The following ZNF430 variants were observed in gnomAD, a reference collection of about 807,000 sequenced individuals.
ZNF430 encodes zinc finger protein 430.
ZNF430 carries 35 observed loss-of-function variants against 56.7 expected under a neutral mutation model. The observed-to-expected ratio is 0.62, with a 90% CI of 0.47 to 0.82. The LOEUF is 0.82. Ranked by LOEUF, ZNF430 falls within the 40% of genes least tolerant of loss-of-function variation. The pLI, the probability that ZNF430 is intolerant of heterozygous loss-of-function variation, is 0.00. For missense variants in ZNF430, 574 were observed against 661.0 expected, an observed-to-expected ratio of 0.87 and a Z score of 1.44; for synonymous variants, 212 against 224.3, an observed-to-expected ratio of 0.94 and a Z score of 0.49.
intron 4 of ZNF430, among the ~76,000 whole-genome samples, chr19:21,046,117 T>C (rs1472341022): frequency 6.6e-6 from 1 of 151,730 alleles, no homozygotes; most frequent in African/African-American, 2.4e-5. Flanking sequence ...AGGTCAGGAG[T>C]TCATGACCAG....
In ZNF430 at chr19:21,051,310, T is replaced by G. The variant is rs1201051667; in HGVS notation, c.323-5321T>G. On this transcript the variant is annotated intron_variant, in intron 4 of 4. Coordinates refer to ENST00000261560, the MANE Select transcript of ZNF430 (RefSeq NM_025189.4). Reference sequence around the variant, plus strand: ...AATTGTTAGAATATTTTTGGCTTTTTAAGTCCTAGGTGATATTCCAGTATT... The same window carrying G: ...AATTGTTAGAATATTTTTGGCTTTTGAAGTCCTAGGTGATATTCCAGTATT... Among the ~76,000 whole-genome samples the G allele has an allele frequency of 2.0e-5, 3 of 151,604 alleles. No homozygotes were observed. In the East Asian group the frequency reaches 5.8e-4, roughly 29 times the overall value.
rs572256748 is a variant in ZNF430, at chr19:21,025,958, A to G, written c.96+3077A>G. 8.8e-5 allele frequency: 37 copies of G among 420,152 alleles called. No individual in the cohort carries two copies. The East Asian group carries it at 2.5e-3, about 28-fold the overall frequency. 26.0% of individuals were successfully genotyped at this position (420,152 alleles called of 1,614,324 possible). On this transcript the variant is annotated intron_variant, in intron 2 of 4. Transcript: ENST00000261560. ...TCTGTCATTGAGAACAGAGTGATCC[A>G]TAAACCTGGTCATCACACTTTTTAT...
chr19:21,039,226 G>T (rs188287956), intron 4 of ZNF430, among the ~76,000 whole-genome samples: 1 of 151,964 alleles, frequency 6.6e-6, no homozygotes, highest in African/African-American at 2.4e-5. Flanking sequence ...TGGGATTACG[G>T]GCATGAGCCA....
At chr19:21,033,083 G>A (rs1967931584) in intron 2 of ZNF430, among the ~76,000 whole-genome samples, 1 of 152,242 alleles carries the variant, frequency 6.6e-6, no homozygotes, top group Non-Finnish European at 1.5e-5. Flanking sequence ...GGCCGGGCAT[G>A]GTGGCTCATG....
chr19:21,025,293 A>G (rs1024930476), intron 2 of ZNF430, among the ~76,000 whole-genome samples: 1 of 152,212 alleles, frequency 6.6e-6, no homozygotes, highest in African/African-American at 2.4e-5. Flanking sequence ...TGTTTCCATG[A>G]TGTCTCCATG....
At chr19:21,050,186 C>G (rs909418317) in intron 4 of ZNF430, among the ~76,000 whole-genome samples, 15 of 51,828 alleles carry the variant, frequency 2.9e-4, no homozygotes, top group Non-Finnish European at 1.2e-3. Context: ...GCCCAGCCCC[C>G]CTATATTCTT....
Position 21,058,443 on chromosome 19 carries a change from TC to T in ZNF430, c.*423del. 1 of 145,452 alleles carries T rather than the reference TC, an allele frequency of 6.9e-6. No homozygotes were observed. Among genetic ancestry groups the T allele is most frequent in the East Asian group, 2.0e-4 (1 of 4,994 alleles). 9.0% of individuals were successfully genotyped at this position (145,452 alleles called of 1,614,324 possible). A position where few individuals can be genotyped will look rare whatever the true frequency, so the allele number is the denominator to read the frequency against. On this transcript the variant is annotated 3_prime_UTR_variant, in exon 5 of 5. Transcript: ENST00000261560. ...TGGGCAACAAGAGTGGCACTCCATC[TC>T]AGAAAAAAAAAAAAAAGATAATTCA...
At chr19:21,020,888 C>G (rs539703233) in intron 1 of ZNF430, 85 bp downstream of exon 1, 2 of 1,578,562 alleles carry the variant, frequency 1.3e-6, no homozygotes, top group Non-Finnish European at 1.7e-6. Flanking sequence ...ACTCAGGCCT[C>G]CCGGCAGTCA....
At chr19:21,042,937 G>A (rs1334838124) in intron 4 of ZNF430, among the ~76,000 whole-genome samples, 1 of 152,174 alleles carries the variant, frequency 6.6e-6, no homozygotes, top group Non-Finnish European at 1.5e-5. Flanking sequence ...TTTGAGAAGT[G>A]TCCATGTTCT....
intron 4 of ZNF430, chr19:21,035,546 G>T (rs990516632): frequency 9.3e-6 from 2 of 214,366 alleles, no homozygotes; most frequent in Non-Finnish European, 2.0e-5. Flanking sequence ...CATACTTCCA[G>T]TGCTATGTTA....
At chr19:21,042,224 G>A (rs1661975178) in intron 4 of ZNF430, among the ~76,000 whole-genome samples, 1 of 152,076 alleles carries the variant, frequency 6.6e-6, no homozygotes, top group Admixed American at 6.5e-5. Context: ...TGGGCATGTG[G>A]GTTGATTCCA....
intron 4 of ZNF430, among the ~76,000 whole-genome samples, chr19:21,042,277 CCACATATCTTT>C (rs1452344797): frequency 6.6e-6 from 1 of 152,092 alleles, no homozygotes; most frequent in African/African-American, 2.4e-5. Flanking sequence ...ACATACACAT[CCACATATCTTT>C]ATAACAGAAT....
At chr19:21,028,086 G>T (rs1390046975) in intron 2 of ZNF430, among the ~76,000 whole-genome samples, 2 of 152,110 alleles carry the variant, frequency 1.3e-5, no homozygotes, top group Admixed American at 6.5e-5. Context: ...TGCACATAAG[G>T]TCTGGCCTCT....
intron 2 of ZNF430, among the ~76,000 whole-genome samples, chr19:21,025,569 A>C (rs1967776576): frequency 6.6e-6 from 1 of 151,700 alleles, no homozygotes; most frequent in East Asian, 1.9e-4. Context: ...GCCCTGATTC[A>C]ATACACCTCT....
intron 4 of ZNF430, among the ~76,000 whole-genome samples, chr19:21,049,173 CA>C (rs746043747): frequency 0.018 from 1,183 of 65,214 alleles, 3 homozygotes; most frequent in African/African-American, 0.081. Context: ...GACTCCATCT[CA>C]AAAAAAAAAA....
intron 1 of ZNF430, among the ~76,000 whole-genome samples, chr19:21,021,935 G>T (rs1015698617): frequency 2.7e-5 from 4 of 145,828 alleles, no homozygotes; most frequent in Non-Finnish European, 5.9e-5. Flanking sequence ...CGCTGCCTGT[G>T]TTCAAGCTTC....
intron 4 of ZNF430, among the ~76,000 whole-genome samples, chr19:21,049,173 C>CAAAAAAAA (rs746043747): frequency 2.0e-4 from 13 of 65,204 alleles, no homozygotes; most frequent in African/African-American, 6.2e-4. Context: ...GACTCCATCT[C>CAAAAAAAA]AAAAAAAAAA....
chr19:21,030,211 A>T (rs1967874969), intron 2 of ZNF430, among the ~76,000 whole-genome samples: 1 of 152,202 alleles, frequency 6.6e-6, no homozygotes, highest in South Asian at 2.1e-4. Flanking sequence ...CACAATAAAA[A>T]TTTCTCTAAA....
Position 21,057,924 on chromosome 19 carries a change from A to C in ZNF430, c.1616A>C (p.Lys539Thr), listed in dbSNP as rs368829710. 2.7e-5 allele frequency: 43 copies of C among 1,613,578 alleles called. No individual in the cohort carries two copies. Among genetic ancestry groups the C allele is most frequent in the Middle Eastern group, 3.3e-4 (2 of 6,082 alleles). ...CATAAGGTAATTCATACTGGAGAGA[A>C]ACCCTACAACTGTGAAGAATACGGC... Reference protein sequence around the residue: ...TKHKVIHTGEKPYNCEEYGKA... With the variant: ...TKHKVIHTGETPYNCEEYGKA... The change falls in exon 5 of 5, where the codon AAA becomes ACA. Residue 539 changes from lysine to threonine, a missense_variant. This residue lies in a region of ZNF430 where 213 missense variants were observed against 221.0 expected (regional missense o/e 0.96). Transcript: ENST00000261560.
Sources: gnomAD v4.1 joint callset for allele counts (sites outside exome capture counted in the v4.1 genomes callset) on GRCh38, gnomAD v4.1.1 for gene constraint, gnomAD v4.1.1 regional missense constraint, MANE v1.5 for transcripts, NCBI Gene and HGNC (gene_info 2026-07-23, HGNC 2026-07-21) for gene names.